Variants in CCR6 observed in about 807,000 individuals in gnomAD.
The protein encoded by CCR6 is C-C motif chemokine receptor 6.
CCR6 carries 2 observed loss-of-function variants against 3.0 expected under a neutral mutation model. The observed-to-expected ratio is 0.66, with a 90% CI of 0.27 to 2.07. The LOEUF (loss-of-function observed/expected upper bound fraction) is 2.07. Among genes scored for constraint, CCR6 ranks in the 30% most tolerant of loss-of-function variants. The pLI is 0.14. For synonymous variants in CCR6, 193 were observed against 184.3 expected, an observed-to-expected ratio of 1.05 and a Z score of -0.38; for missense variants, 322 against 462.8, an observed-to-expected ratio of 0.70 and a Z score of 2.79.
chr6:167,124,279 A>C (rs1394311470), intron 1 of CCR6, among the ~76,000 whole-genome samples: 2 of 151,396 alleles, frequency 1.3e-5, no homozygotes, highest in African/African-American at 4.9e-5. Flanking sequence ...AAAAAAAAAA[A>C]CCAACCCACA....
chr6:167,136,143 G>T lies in CCR6; in HGVS notation c.9G>T (p.Gly3=). The change falls in exon 2 of 3, where the codon GGG becomes GGT. Residue 3 remains glycine (G), a splice_region_variant and synonymous_variant. Coordinates refer to ENST00000341935, the MANE Select transcript of CCR6 (RefSeq NM_031409.4). The surrounding 1 kb of genome is among the most constrained non-coding windows in gnomAD (Gnocchi z 4.6). ...CATTTTTTCTGCCCACAATGAGCGG[G>T]GTAAGATTTTTATTTTTGGCAAGGG... is the stretch of plus-strand genomic sequence containing the variant. MS[G]ESMNFSDVFD... The T allele has an allele frequency of 1.9e-6, 3 of 1,613,904 alleles. No individual in the cohort carries two copies. The highest frequency in any genetic ancestry group is 2.5e-6 in the Non-Finnish European group (3 of 1,179,986).
intron 1 of CCR6, among the ~76,000 whole-genome samples, chr6:167,130,842 T>C (rs1454544899): frequency 6.8e-6 from 1 of 146,050 alleles, no homozygotes; most frequent in Non-Finnish European, 1.5e-5. Flanking sequence ...CAGGACGGAG[T>C]AGGCCAGCTT....
chr6:167,118,846 T>G, upstream of CCR6, among the ~76,000 whole-genome samples: 1 of 152,034 alleles, frequency 6.6e-6, no homozygotes, highest in Admixed American at 6.5e-5. Context: ...AATGAATGGG[T>G]GAAATGGCGA....
rs201239090 is a variant in CCR6, at chr6:167,130,975, CA to C, written c.-97-5062del. On this transcript the variant is annotated intron_variant, in intron 1 of 2. Coordinates refer to ENST00000341935, the MANE Select transcript of CCR6 (RefSeq NM_031409.4). ...CCTCCGGGACTCCTCCCTCTGGGAC[CA>C]CCCTCCCTCTGGACCCCCTCCCTTT... is the stretch of plus-strand genomic sequence containing the variant. 1.8e-3 allele frequency among the ~76,000 whole-genome samples: 234 copies of C among 131,240 alleles called. 13 individuals are homozygous for C. Among genetic ancestry groups the C allele is most frequent in the Middle Eastern group, 0.011 (3 of 272 alleles). The allele number at this position is 131,240 out of a possible 152,430, so 86.1% of individuals were successfully genotyped here.
chr6:167,114,528 C>G (rs1412705103), intron 1 of CCR6, among the ~76,000 whole-genome samples: 1 of 152,164 alleles, frequency 6.6e-6, no homozygotes, highest in African/African-American at 2.4e-5. Context: ...AGTCCAGAGG[C>G]ATCACTTCAT....
intron 1 of CCR6, among the ~76,000 whole-genome samples, chr6:167,128,859 C>A (rs929968052): frequency 1.3e-5 from 2 of 152,230 alleles, no homozygotes; most frequent in African/African-American, 4.8e-5. Flanking sequence ...CAGGTGTGAG[C>A]CAATGCACGC....
chr6:167,114,119 G>A (rs1315795530), intron 1 of CCR6, among the ~76,000 whole-genome samples: 2 of 152,142 alleles, frequency 1.3e-5, no homozygotes, highest in Non-Finnish European at 2.9e-5. Flanking sequence ...AGGGCCCTTC[G>A]GCAGCCGGCG....
At chr6:167,124,512 A>G (rs1191336516) in intron 1 of CCR6, among the ~76,000 whole-genome samples, 2 of 152,222 alleles carry the variant, frequency 1.3e-5, no homozygotes, top group African/African-American at 4.8e-5. Flanking sequence ...CAAAACTCTG[A>G]TATCAATAAG....
In CCR6 at chr6:167,136,368, G is replaced by C; in HGVS notation, c.138G>C (p.Arg46Ser). ...CSLQEVRQFS[R>S]LFVPIAYSLI... ...TGCAGGAGGTCAGGCAGTTCTCCAG[G>C]CTATTTGTACCGATTGCCTACTCCT... is the stretch of plus-strand genomic sequence containing the variant. Residue 46 changes from arginine to serine, a missense_variant, in exon 3 of 3, where the codon AGG (arginine) becomes AGC (serine). Arg to Ser is a moderately radical substitution (Grantham distance 110, BLOSUM62 -1). Transcript: ENST00000341935. The surrounding 1 kb of genome is among the most constrained non-coding windows in gnomAD (Gnocchi z 4.6). The C allele has an allele frequency of 6.2e-7, 1 of 1,614,178 alleles. No individual in the cohort carries two copies. Among genetic ancestry groups the C allele is most frequent in the Non-Finnish European group, 8.5e-7 (1 of 1,180,028 alleles).
At chr6:167,134,099 T>C (rs1781814168) in intron 1 of CCR6, among the ~76,000 whole-genome samples, 1 of 151,772 alleles carries the variant, frequency 6.6e-6, no homozygotes. Context: ...TCTCACTGTA[T>C]TTGTTCTCCT....
chr6:167,129,314 A>G (rs1195110765), intron 1 of CCR6: 1 of 152,340 alleles, frequency 6.6e-6, no homozygotes, highest in Non-Finnish European at 1.5e-5. Context: ...TGTTACCACC[A>G]AGGCTTGGAA....
In CCR6 at chr6:167,136,165, A is replaced by G. The variant is rs778156994; in HGVS notation, c.9+22A>G. On this transcript the variant is annotated intron_variant, in intron 2 of 2. Coordinates refer to ENST00000341935, the MANE Select transcript of CCR6 (RefSeq NM_031409.4). The surrounding 1 kb of genome is among the most constrained non-coding windows in gnomAD (Gnocchi z 4.6). ...CGGGGTAAGATTTTTATTTTTGGCA[A>G]GGGGTATAATTTGGGTTCACTGTGG... 4 of 1,613,318 alleles carry G rather than the reference A, an allele frequency of 2.5e-6. No homozygotes were observed. In the African/African-American group the frequency reaches 4.0e-5, roughly 16 times the overall value.
Position 167,137,561 on chromosome 6 carries a change from G to T in CCR6, c.*206G>T. 1 of 536,326 alleles carries T rather than the reference G, an allele frequency of 1.9e-6. No individual in the cohort carries two copies. The highest frequency in any genetic ancestry group is 3.3e-6 in the Non-Finnish European group (1 of 304,562). The allele number at this position is 536,326 out of a possible 1,614,324, so 33.2% of individuals were successfully genotyped here. A position where few individuals can be genotyped will look rare whatever the true frequency, so the allele number is the denominator to read the frequency against. ...GATAGGTAGCATTTTCCAGCACTTTGCAAGGAATGTTTTGTAGCTCTAGGG... is the reference window on the plus strand; with the variant it reads ...GATAGGTAGCATTTTCCAGCACTTTTCAAGGAATGTTTTGTAGCTCTAGGG... On this transcript the variant is annotated 3_prime_UTR_variant, in exon 3 of 3. Coordinates refer to ENST00000341935, the MANE Select transcript of CCR6 (RefSeq NM_031409.4). This position sits in a 1 kb window ranked among gnomAD's most constrained non-coding sequence, Gnocchi z 4.6.
At chr6:167,130,118 T>C (rs774180303) in intron 1 of CCR6, among the ~76,000 whole-genome samples, 1 of 151,742 alleles carries the variant, frequency 6.6e-6, no homozygotes, top group Non-Finnish European at 1.5e-5. Context: ...TACATGTGAT[T>C]TAATGACATC....
rs140173375 is a variant in CCR6 at position 167,137,013 on chromosome 6, T to C, written c.783T>C (p.Leu261=). ...TCCGTGTAATCATAGCTGTGGTGCT[T>C]GTGTTTCTGGCTTGTCAGATTCCTC... The part of the protein sequence containing the change: ...KAIRVIIAVV[L]VFLACQIPHN... The change falls in exon 3 of 3, where the codon CTT becomes CTC. Residue 261 remains leucine, a synonymous_variant. Coordinates refer to ENST00000341935, the MANE Select transcript of CCR6 (RefSeq NM_031409.4). The surrounding 1 kb of genome is among the most constrained non-coding windows in gnomAD (Gnocchi z 4.6). The C allele has an allele frequency of 5.0e-6, 8 of 1,614,098 alleles. No individual in the cohort carries two copies. The highest frequency in any genetic ancestry group is 1.7e-5 in the Admixed American group (1 of 60,010).
At chr6:167,124,964 A>G (rs1781648404) in intron 1 of CCR6, among the ~76,000 whole-genome samples, 1 of 151,508 alleles carries the variant, frequency 6.6e-6, no homozygotes, top group African/African-American at 2.5e-5. Flanking sequence ...ATACACACAT[A>G]CACATGTATA....
chr6:167,132,968 T>A (rs1289670174), intron 1 of CCR6, among the ~76,000 whole-genome samples: 1 of 152,236 alleles, frequency 6.6e-6, no homozygotes, highest in Non-Finnish European at 1.5e-5. Flanking sequence ...TGTTTCTTAT[T>A]GTTTATGTTT....
intron 1 of CCR6, among the ~76,000 whole-genome samples, chr6:167,114,627 CT>C (rs1554280715): frequency 6.6e-6 from 1 of 152,256 alleles, no homozygotes; most frequent in Non-Finnish European, 1.5e-5. Context: ...GCAGAGCCCC[CT>C]GGCCGAGGCC....
upstream of CCR6, among the ~76,000 whole-genome samples, chr6:167,122,599 G>C (rs1001183702): frequency 6.6e-6 from 1 of 152,178 alleles, no homozygotes. The surrounding 1 kb of genome is among the most constrained non-coding windows in gnomAD (Gnocchi z 4.2). Flanking sequence ...GCTATTTCTC[G>C]GAACCCTCTG....
Sources: allele counts gnomAD v4.1 joint callset (sites outside exome capture counted in the v4.1 genomes callset), GRCh38; gene constraint gnomAD v4.1.1; non-coding constraint Gnocchi (gnomAD v3.1); transcripts MANE v1.5; gene names NCBI Gene and HGNC (gene_info 2026-07-23, HGNC 2026-07-21).